The following CATSPERD variants were observed in gnomAD, a reference collection of about 807,000 sequenced individuals.
CATSPERD encodes the protein cation channel sperm-associated auxiliary subunit delta.
Under a neutral mutation model 98.1 loss-of-function variants are expected in CATSPERD, and 86 were observed. The observed-to-expected ratio is 0.88, with a 90% CI of 0.74 to 1.05. The LOEUF (loss-of-function observed/expected upper bound fraction) is 1.05, where lower values mean the gene tolerates loss of function less well. Ranked by LOEUF, CATSPERD falls within the 50% of genes least tolerant of loss-of-function variation. The probability of loss-of-function intolerance (pLI) is 0.00; values close to 1 mark genes in which losing one functional copy is unlikely to be tolerated. For synonymous variants in CATSPERD, 394 were observed against 390.2 expected (o/e 1.01, Z -0.12); for missense variants, 995 against 1,005.7 (o/e 0.99, Z 0.14).
At chr19:5,744,766 A>G (rs1040517402) in intron 8 of CATSPERD, among the ~76,000 whole-genome samples, 2 of 151,196 alleles carry the variant, frequency 1.3e-5, no homozygotes, top group African/African-American at 2.4e-5. Flanking sequence ...GCGCCTGGCT[A>G]ATTTTTGTAT....
chr19:5,739,285 G>A lies in CATSPERD; in HGVS notation c.460-41G>A, dbSNP rs761345749. The A allele has an allele frequency of 6.3e-6, 7 of 1,105,012 alleles. No individual in the cohort carries two copies. In the East Asian group the frequency reaches 1.6e-4, roughly 26 times the overall value. The allele number at this position is 1,105,012 out of a possible 1,614,324, so 68.5% of individuals were successfully genotyped here. ...TAAACGTTCAGGAACGTACTTGCTG[G>A]CATCTTTCTTTCATTCTTTCTTTCT... On this transcript the variant is annotated intron_variant, in intron 6 of 21. Transcript: ENST00000381624.
At chr19:5,768,347 A>ATTTATTTATTT in intron 18 of CATSPERD, 105 bp downstream of exon 18, 1 of 640,210 alleles carries the variant, frequency 1.6e-6, no homozygotes. Context: ...TTTATTTATT[A>ATTTATTTATTT]TTATTATTGA....
rs371809557 is a variant in CATSPERD, at chr19:5,748,191, A to C, written c.840A>C (p.Lys280Asn). ...TCGTCGACACCGTCCGGGTGAAAAAAGGAGACCAGACCTTGTTTTCTTCCA... is the reference window on the plus strand; with the variant it reads ...TCGTCGACACCGTCCGGGTGAAAAACGGAGACCAGACCTTGTTTTCTTCCA... ...GQLVDTVRVK[K>N]GDQTLFSSIF... The change falls in exon 10 of 22, where the codon AAA becomes AAC. Residue 280 changes from lysine (K) to asparagine (N), a missense_variant. Transcript: ENST00000381624. 6.2e-7 allele frequency: 1 copy of C among 1,613,950 alleles called. No individual in the cohort carries two copies.
intron 4 of CATSPERD, among the ~76,000 whole-genome samples, chr19:5,731,883 A>G (rs1003222797): frequency 6.6e-6 from 1 of 151,488 alleles, no homozygotes; most frequent in Non-Finnish European, 1.5e-5. Flanking sequence ...CCTACTTAAC[A>G]GTTAATGCTA....
intron 19 of CATSPERD, 27 bp from the exon 20 acceptor site, chr19:5,772,761 C>T: frequency 1.2e-6 from 2 of 1,603,288 alleles, no homozygotes; most frequent in Non-Finnish European, 8.5e-7. Flanking sequence ...GCTCCCTGCA[C>T]AGCCCTGCCC....
intron 6 of CATSPERD, among the ~76,000 whole-genome samples, chr19:5,738,448 C>T (rs2055891958): frequency 6.6e-6 from 1 of 151,832 alleles, no homozygotes; most frequent in African/African-American, 2.4e-5. Flanking sequence ...GGGAGGATGG[C>T]TTGAGCCCAG....
Position 5,762,363 on chromosome 19 carries a change from C to G in CATSPERD, c.1428-852C>G, listed in dbSNP as rs1469426590. On this transcript the variant is annotated intron_variant, in intron 15 of 21. Coordinates refer to ENST00000381624, the MANE Select transcript of CATSPERD (RefSeq NM_152784.4). ...ACAGGCATGACCCACTGAGGCCAGC[C>G]CCATACACTTTTAAACTATCAGATA... Among the ~76,000 whole-genome samples, 3 of 151,908 alleles carry G rather than the reference C, an allele frequency of 2.0e-5. No individual in the cohort carries two copies. The Admixed American group carries it at 2.0e-4, about 10-fold the overall frequency.
intron 6 of CATSPERD, among the ~76,000 whole-genome samples, chr19:5,739,027 C>T (rs1599530307): frequency 6.6e-6 from 1 of 151,888 alleles, no homozygotes; most frequent in East Asian, 1.9e-4. Flanking sequence ...CACGCCCAGC[C>T]TAACTTTGGT....
At chr19:5,724,696 C>T (rs1205371927) in intron 1 of CATSPERD, 112 bp from the exon 2 acceptor site, 10 of 1,074,222 alleles carry the variant, frequency 9.3e-6, no homozygotes, top group South Asian at 1.3e-5. Flanking sequence ...GAGACTCCGT[C>T]CCCCCCAAAA....
intron 20 of CATSPERD, among the ~76,000 whole-genome samples, chr19:5,775,556 G>A (rs936950002): frequency 1.3e-5 from 2 of 150,456 alleles, no homozygotes; most frequent in Non-Finnish European, 2.9e-5. Context: ...GGCTGAGGCA[G>A]GAGAATTGCA....
At chr19:5,744,109 A>G (rs1348001632) in intron 7 of CATSPERD, among the ~76,000 whole-genome samples, 2 of 151,998 alleles carry the variant, frequency 1.3e-5, no homozygotes, top group African/African-American at 4.8e-5. Context: ...CCTCCTGAGT[A>G]GCTGGGATTA....
At position 5,765,401 on chromosome 19, in the gene CATSPERD, GATTTATTCATTCATTC is replaced by G. The variant is rs200945157; in HGVS notation, c.1507-698_1507-683del. Among the ~76,000 whole-genome samples the G allele has an allele frequency of 3.2e-3, 441 of 139,404 alleles. 11 individuals are homozygous for G. The East Asian group carries it at 0.058, about 18-fold the overall frequency. 91.5% of individuals were successfully genotyped at this position (139,404 alleles called of 152,430 possible). On this transcript the variant is annotated intron_variant, in intron 16 of 21. Transcript: ENST00000381624. The stretch of plus-strand genomic sequence containing the variant: ...TTTTGTTTATTCATTCTAGGCCATT[GATTTATTCATTCATTC>G]ATTCATTCATTCATTCATTCATTCA...
At chr19:5,774,055 C>T (rs1204883856) in intron 20 of CATSPERD, among the ~76,000 whole-genome samples, 1 of 150,420 alleles carries the variant, frequency 6.6e-6, no homozygotes, top group Non-Finnish European at 1.5e-5. Context: ...GCAACCTCCA[C>T]CTCCCGAGTT....
intron 16 of CATSPERD, 131 bp downstream of exon 16, chr19:5,763,424 C>G: frequency 1.5e-6 from 1 of 654,394 alleles, no homozygotes; most frequent in South Asian, 2.2e-5. Context: ...GAGTGAAACT[C>G]TGCCTCAAAA....
chr19:5,775,975 G>A (rs902888202), intron 20 of CATSPERD, among the ~76,000 whole-genome samples, 186 bp from the exon 21 acceptor site: 1 of 152,128 alleles, frequency 6.6e-6, no homozygotes, highest in Non-Finnish European at 1.5e-5. Context: ...AGGCTGAGCA[G>A]CCTCCATCCA....
intron 16 of CATSPERD, among the ~76,000 whole-genome samples, chr19:5,763,901 G>A (rs1208431914): frequency 8.0e-6 from 1 of 124,778 alleles, no homozygotes; most frequent in East Asian, 2.4e-4. Context: ...AGACTGGAAT[G>A]CAGTGGTGCG....
At chr19:5,740,658 C>T (rs1217381604) in intron 7 of CATSPERD, among the ~76,000 whole-genome samples, 4 of 147,094 alleles carry the variant, frequency 2.7e-5, no homozygotes, top group Non-Finnish European at 5.9e-5. Context: ...TCCCAGCTAT[C>T]GGGAGGCTGA....
intron 13 of CATSPERD, among the ~76,000 whole-genome samples, chr19:5,754,707 T>C (rs2485269): frequency 6.6e-6 from 1 of 151,444 alleles, no homozygotes; most frequent in East Asian, 2.0e-4. Context: ...CATTTCTATG[T>C]GTCTTCCCCC....
intron 13 of CATSPERD, among the ~76,000 whole-genome samples, chr19:5,757,522 C>G (rs1439003341): frequency 6.6e-6 from 1 of 151,496 alleles, no homozygotes; most frequent in Non-Finnish European, 1.5e-5. Flanking sequence ...GTCTCAAACT[C>G]CCGACCTCAG....
Sources: gnomAD v4.1 joint callset for allele counts (sites outside exome capture counted in the v4.1 genomes callset) on GRCh38, gnomAD v4.1.1 for gene constraint, MANE v1.5 for transcripts, NCBI Gene and HGNC (gene_info 2026-07-23, HGNC 2026-07-21) for gene names.